The following NFATC4 variants were observed in gnomAD, a reference collection of about 807,000 sequenced individuals.
NFATC4 encodes the protein nuclear factor of activated T-cells, cytoplasmic 4.
NFATC4 carries 25 observed loss-of-function variants against 73.4 expected under a neutral mutation model. The ratio of observed to expected loss-of-function variants is 0.34; its 90% CI spans 0.25 to 0.48. The LOEUF is 0.48. Among genes scored for constraint, NFATC4 ranks in the 20% least tolerant of loss-of-function variants. The pLI, the probability that NFATC4 is intolerant of heterozygous loss-of-function variation, is 0.99. For synonymous variants in NFATC4, 523 were observed against 510.3 expected (o/e 1.02, Z -0.34); for missense variants, 1,130 against 1,203.7 (o/e 0.94, Z 0.91).
chr14:24,370,879 A>T (rs2042457959), intron 2 of NFATC4, among the ~76,000 whole-genome samples: 1 of 152,062 alleles, frequency 6.6e-6, no homozygotes, highest in African/African-American at 2.4e-5. Flanking sequence ...TAGGTTAAGG[A>T]GGTGTTCCTG....
Position 24,370,266 on chromosome 14 carries a change from C to T in NFATC4, c.868C>T (p.Leu290=). The part of the protein sequence containing the change: ...ASPALSRRGS[L]GEEGSEPPPP... Reference sequence around the variant, plus strand: ...CCCAGCTCTGTCCCGCCGTGGCAGCCTGGGGGAAGAGGGGTCTGAGCCACC... The same window carrying T: ...CCCAGCTCTGTCCCGCCGTGGCAGCTTGGGGGAAGAGGGGTCTGAGCCACC... The change falls in exon 2 of 10, where the codon CTG becomes TTG. Residue 290 remains leucine (L), a synonymous_variant. Transcript: ENST00000250373. 6.2e-7 allele frequency: 1 copy of T among 1,612,888 alleles called. No homozygotes were observed. The highest frequency in any genetic ancestry group is 8.5e-7 in the Non-Finnish European group (1 of 1,179,694).
chr14:24,373,250 C>G lies in NFATC4; in HGVS notation c.1439C>G (p.Ala480Gly). 6.2e-7 allele frequency: 1 copy of G among 1,614,218 alleles called. No individual in the cohort carries two copies. The highest frequency in any genetic ancestry group is 2.2e-5 in the East Asian group (1 of 44,884). The change falls in exon 4 of 10, where the codon GCC (alanine) becomes GGC (glycine). Residue 480 changes from alanine (A) to glycine (G), a missense_variant. Transcript: ENST00000250373. This position sits in a 1 kb window ranked among gnomAD's most constrained non-coding sequence, Gnocchi z 4.7. ...GATGAAAGGAACCTGCGGCCTCATGCCTTCTATCAGGTGCACCGTATCACA... is the reference window on the plus strand; with the variant it reads ...GATGAAAGGAACCTGCGGCCTCATGGCTTCTATCAGGTGCACCGTATCACA... Reference protein sequence around the residue: ...TADERNLRPHAFYQVHRITGK... With the variant: ...TADERNLRPHGFYQVHRITGK...
chr14:24,367,210 C>T (rs1222125415), upstream of NFATC4: 14 of 1,613,796 alleles, frequency 8.7e-6, no homozygotes, highest in African/African-American at 1.3e-5. Flanking sequence ...CCTCCTCCAG[C>T]CCAGGTGACA....
upstream of NFATC4, chr14:24,367,412 TA>T (rs2042336850): frequency 3.3e-6 from 5 of 1,535,648 alleles, no homozygotes; most frequent in Non-Finnish European, 4.4e-6. Flanking sequence ...CCGTGGAGGC[TA>T]ATTCACGGCC....
chr14:24,374,288 C>T (rs1424976400), intron 5 of NFATC4, 38 bp from the exon 6 acceptor site: 1 of 1,574,672 alleles, frequency 6.4e-7, no homozygotes, highest in African/African-American at 1.4e-5. Flanking sequence ...CCCTCCATGC[C>T]CAGCCCAGCC....
intron 3 of NFATC4, chr14:24,372,915 G>C: frequency 1.7e-6 from 1 of 597,868 alleles, no homozygotes; most frequent in Non-Finnish European, 2.9e-6. Flanking sequence ...AGTTTTCTCT[G>C]TATTGAGTTG....
chr14:24,370,216 G>A lies in NFATC4; in HGVS notation c.818G>A (p.Ser273Asn), dbSNP rs760857991. The A allele has an allele frequency of 1.2e-6, 2 of 1,610,462 alleles. No homozygotes were observed. Among genetic ancestry groups the A allele is most frequent in the Non-Finnish European group, 1.7e-6 (2 of 1,179,942 alleles). ...ASPCGKRRYS[S>N]SGTPSSASPA... ...CCATGTGGCAAGCGGCGCTATTCCA[G>A]CTCGGGAACCCCATCTTCAGCCTCC... Residue 273 changes from serine to asparagine, a missense_variant, in exon 2 of 10, where the codon AGC becomes AAC. By Grantham distance (46) the Ser-to-Asn change is conservative. Coordinates refer to ENST00000250373, the MANE Select transcript of NFATC4 (RefSeq NM_004554.5).
upstream of NFATC4, chr14:24,366,951 G>C: frequency 1.3e-6 from 2 of 1,554,816 alleles, no homozygotes; most frequent in Non-Finnish European, 1.7e-6. Flanking sequence ...CCGTTTAGTT[G>C]CTGGGATGGG....
upstream of NFATC4, chr14:24,367,398 C>T (rs1025048293): frequency 1.3e-6 from 2 of 1,535,558 alleles, no homozygotes; most frequent in Admixed American, 3.9e-5. Flanking sequence ...AGGCTGCCAA[C>T]TTCCCGTGGA....
Position 24,370,546 on chromosome 14 carries a change from C to T in NFATC4, c.1148C>T (p.Pro383Leu). 3.1e-6 allele frequency: 5 copies of T among 1,613,778 alleles called. No individual in the cohort carries two copies. The highest frequency in any genetic ancestry group is 4.2e-6 in the Non-Finnish European group (5 of 1,179,728). The stretch of plus-strand genomic sequence containing the variant: ...ATGGACTACCTGGCAGTGCCCTCCC[C>T]ACTCGCTTGGTCCAAGGCCCGGATT... The part of the protein sequence containing the change: ...AGMDYLAVPS[P>L]LAWSKARIGG... The change falls in exon 2 of 10, where the codon CCA (proline) becomes CTA (leucine). Residue 383 changes from proline to leucine, a missense_variant. Pro to Leu is a moderately conservative substitution (Grantham distance 98, BLOSUM62 -3). Transcript: ENST00000250373.
Position 24,369,729 on chromosome 14 carries a change from C to G in NFATC4, c.331C>G (p.Leu111Val). Residue 111 changes from leucine (L) to valine (V), a missense_variant, in exon 2 of 10, where the codon CTC (leucine) becomes GTC (valine). Physicochemically the swap from Leu to Val is conservative, Grantham distance 32. This residue lies in a region of NFATC4 where 585 missense variants were observed against 574.3 expected (regional missense o/e 1.02). Coordinates refer to ENST00000250373, the MANE Select transcript of NFATC4 (RefSeq NM_004554.5). ...GAGGAGGGRV[L>V]ECPSIRITSI... ...TGGGGGTGCTGGGGGTGGCCGTGTT[C>G]TCGAGTGTCCCAGCATCCGCATCAC... The G allele has an allele frequency of 2.5e-6, 4 of 1,603,478 alleles. No homozygotes were observed. The highest frequency in any genetic ancestry group is 3.4e-6 in the Non-Finnish European group (4 of 1,173,374).
At chr14:24,371,316 T>G (rs2042466713) in intron 2 of NFATC4, among the ~76,000 whole-genome samples, 1 of 152,224 alleles carries the variant, frequency 6.6e-6, no homozygotes, top group African/African-American at 2.4e-5. Context: ...CACTGTTAAT[T>G]CAGCACTACT....
chr14:24,369,746 C>T lies in NFATC4; in HGVS notation c.348C>T (p.Ile116=). The stretch of plus-strand genomic sequence containing the variant: ...GCCGTGTTCTCGAGTGTCCCAGCAT[C>T]CGCATCACCTCCATCTCTCCCACGC... ...GGGRVLECPS[I]RITSISPTPE... The change falls in exon 2 of 10, where the codon ATC becomes ATT. Residue 116 remains isoleucine (I), a synonymous_variant. Coordinates refer to ENST00000250373, the MANE Select transcript of NFATC4 (RefSeq NM_004554.5). 1 of 1,606,906 alleles carries T rather than the reference C, an allele frequency of 6.2e-7. No individual in the cohort carries two copies.
intron 2 of NFATC4, among the ~76,000 whole-genome samples, chr14:24,370,799 C>T (rs570641567): frequency 7.2e-5 from 11 of 152,362 alleles, no homozygotes; most frequent in African/African-American, 2.6e-4. Context: ...AAGAGGGCAA[C>T]AGTTCCCTGT....
chr14:24,373,261 G>C lies in NFATC4; in HGVS notation c.1450G>C (p.Val484Leu). 1 of 1,614,212 alleles carries C rather than the reference G, an allele frequency of 6.2e-7. No individual in the cohort carries two copies. The highest frequency in any genetic ancestry group is 8.5e-7 in the Non-Finnish European group (1 of 1,180,040). The change falls in exon 4 of 10, where the codon GTG becomes CTG. Residue 484 changes from valine (V) to leucine (L), a missense_variant. Coordinates refer to ENST00000250373, the MANE Select transcript of NFATC4 (RefSeq NM_004554.5). The surrounding 1 kb of genome is among the most constrained non-coding windows in gnomAD (Gnocchi z 4.7). ...RNLRPHAFYQ[V>L]HRITGKMVAT... ...CCTGCGGCCTCATGCCTTCTATCAG[G>C]TGCACCGTATCACAGGCAAGATGGT...
At chr14:24,369,177 C>A (rs2042392541) in intron 1 of NFATC4, 1 of 1,507,510 alleles carries the variant, frequency 6.6e-7, no homozygotes, top group African/African-American at 1.4e-5. Flanking sequence ...CCCAGTCCAG[C>A]CCAGTGCCTC....
chr14:24,374,683 C>T, intron 6 of NFATC4: 1 of 504,876 alleles, frequency 2.0e-6, no homozygotes, highest in East Asian at 3.2e-5. Flanking sequence ...CAAATGGAAG[C>T]AATGCACATT....
intron 2 of NFATC4, chr14:24,372,165 G>A: frequency 2.5e-6 from 1 of 404,030 alleles, no homozygotes; most frequent in South Asian, 3.3e-5. Context: ...TGGGAAGAAG[G>A]GAGTTTTAGG....
In NFATC4 at chr14:24,368,433, G is replaced by C. The variant is rs2042365507; in HGVS notation, c.93G>C (p.Leu31Phe). The C allele has an allele frequency of 2.7e-5, 36 of 1,339,920 alleles. No homozygotes were observed. The highest frequency in any genetic ancestry group is 3.4e-5 in the Non-Finnish European group (36 of 1,043,908). The allele number at this position is 1,339,920 out of a possible 1,614,324, so 83.0% of individuals were successfully genotyped here. ...CCCCCCCGCTGGGCGCGGGGGGATT[G>C]GGGGAAGGTTAGTGCTGGGCTGGGA... ...KEAPPLGAGG[L>F]GEELDSEDAP... Residue 31 changes from leucine (L) to phenylalanine (F), a missense_variant, in exon 1 of 10, where the codon TTG (leucine) becomes TTC (phenylalanine). Leu to Phe is a conservative substitution (Grantham distance 22, BLOSUM62 0). Around this residue, in one of 3 missense-constraint regions of NFATC4, gnomAD observed 585 missense variants for 574.3 expected, o/e 1.02. Transcript: ENST00000250373.
Sources: allele counts gnomAD v4.1 joint callset (sites outside exome capture counted in the v4.1 genomes callset), GRCh38; gene constraint gnomAD v4.1.1; regional missense constraint gnomAD v4.1.1; non-coding constraint Gnocchi (gnomAD v3.1); transcripts MANE v1.5; gene names NCBI Gene and HGNC (gene_info 2026-07-23, HGNC 2026-07-21).